The following GABRB1 variants were observed in gnomAD, a reference collection of about 807,000 sequenced individuals.
GABRB1 encodes the protein gamma-aminobutyric acid receptor subunit beta-1.
Under a neutral mutation model 51.6 loss-of-function variants are expected in GABRB1, and 17 were observed. That is an observed-to-expected ratio of 0.33 (90% CI 0.23 to 0.49). The LOEUF is 0.49. Among genes scored for constraint, GABRB1 ranks in the 20% least tolerant of loss-of-function variants. GABRB1 has a pLI of 0.99. For missense variants in GABRB1, 410 were observed against 600.6 expected (o/e 0.68, Z 3.32); for synonymous variants, 247 against 218.9 (o/e 1.13, Z -1.14).
chr4:47,015,421 T>C (rs181910060), intron 1 of GABRB1, among the ~76,000 whole-genome samples: 131 of 152,342 alleles, frequency 8.6e-4, no homozygotes, highest in Admixed American at 8.3e-3. Context: ...ATGTCAATAC[T>C]GTAATATCCT....
chr4:47,351,553 TC>T (rs1248573813), intron 5 of GABRB1, among the ~76,000 whole-genome samples: 2 of 96,978 alleles, frequency 2.1e-5, no homozygotes, highest in African/African-American at 8.0e-5. Flanking sequence ...ATGCTATCCC[TC>T]CCCCCTCCCC....
chr4:47,344,618 T>C (rs890880147), intron 5 of GABRB1, among the ~76,000 whole-genome samples: 6 of 152,320 alleles, frequency 3.9e-5, no homozygotes, highest in Admixed American at 1.3e-4. Flanking sequence ...TAACTCATGC[T>C]TGGATTTACA....
chr4:47,123,540 TTATAA>T (rs1459240271), intron 3 of GABRB1, among the ~76,000 whole-genome samples: 4 of 85,712 alleles, frequency 4.7e-5, no homozygotes, highest in African/African-American at 1.9e-4. Flanking sequence ...ATTTCATATA[TTATAA>T]TATATTATAT....
At chr4:47,274,721 C>T (rs915053280) in intron 4 of GABRB1, among the ~76,000 whole-genome samples, 3 of 152,114 alleles carry the variant, frequency 2.0e-5, no homozygotes, top group African/African-American at 7.2e-5. Flanking sequence ...ATCTCAAAAG[C>T]TGCACTCCAC....
chr4:47,041,334 T>G (rs1693709401), intron 3 of GABRB1, among the ~76,000 whole-genome samples: 1 of 152,134 alleles, frequency 6.6e-6, no homozygotes, highest in Non-Finnish European at 1.5e-5. Flanking sequence ...AGAGGAAATC[T>G]ATTTAAGCAG....
chr4:47,037,121 G>A (rs1446249153), intron 3 of GABRB1, among the ~76,000 whole-genome samples: 1 of 152,144 alleles, frequency 6.6e-6, no homozygotes, highest in East Asian at 1.9e-4. Context: ...AATCTCAAAT[G>A]ATGGCAATGA....
chr4:47,342,217 T>C (rs1456428700), intron 5 of GABRB1, among the ~76,000 whole-genome samples: 2 of 152,164 alleles, frequency 1.3e-5, no homozygotes, highest in Non-Finnish European at 2.9e-5. Flanking sequence ...TTTAAACACA[T>C]CTTTTTGCTT....
chr4:47,282,752 C>T (rs1723339432), intron 4 of GABRB1, among the ~76,000 whole-genome samples: 1 of 152,034 alleles, frequency 6.6e-6, no homozygotes. Context: ...ACTCTTATGC[C>T]AGTATAAAAT....
intron 4 of GABRB1, among the ~76,000 whole-genome samples, chr4:47,212,311 A>G (rs983191618): frequency 2.0e-5 from 3 of 152,104 alleles, no homozygotes. Context: ...AACAACATCC[A>G]TGCACTTCAG....
chr4:47,066,306 G>C (rs1727079754), intron 3 of GABRB1, among the ~76,000 whole-genome samples: 1 of 152,194 alleles, frequency 6.6e-6, no homozygotes, highest in Non-Finnish European at 1.5e-5. Context: ...TCTGCTGACT[G>C]ATCAGGGTGG....
At chr4:47,069,329 C>T (rs1254645879) in intron 3 of GABRB1, among the ~76,000 whole-genome samples, 1 of 152,174 alleles carries the variant, frequency 6.6e-6, no homozygotes, top group African/African-American at 2.4e-5. Context: ...TTTTATTCCT[C>T]CCCCTTCAAA....
At chr4:47,207,797 G>GAACTCC (rs113213356) in intron 4 of GABRB1, among the ~76,000 whole-genome samples, 130,295 of 151,370 alleles carry the variant, frequency 0.86, 56,085 homozygotes, top group Middle Eastern at 0.92. Flanking sequence ...GCATGGCTTG[G>GAACTCC]AACTAATTTC....
chr4:47,149,785 A>G (rs1717344483), intron 3 of GABRB1, among the ~76,000 whole-genome samples: 1 of 152,056 alleles, frequency 6.6e-6, no homozygotes, highest in Admixed American at 6.6e-5. Context: ...TCACTCACAA[A>G]GACATTTCTA....
At chr4:47,177,563 T>TGC (rs1366600293) in intron 4 of GABRB1, among the ~76,000 whole-genome samples, 3 of 152,090 alleles carry the variant, frequency 2.0e-5, no homozygotes, top group Non-Finnish European at 2.9e-5. Context: ...AAAGAAATTT[T>TGC]GCTGCATAAC....
At chr4:47,266,015 T>A (rs1722628365) in intron 4 of GABRB1, among the ~76,000 whole-genome samples, 2 of 152,112 alleles carry the variant, frequency 1.3e-5, no homozygotes, top group South Asian at 4.1e-4. Flanking sequence ...AATTCTTTAC[T>A]TAGGCCAATG....
intron 5 of GABRB1, among the ~76,000 whole-genome samples, chr4:47,346,651 G>A (rs1005863030): frequency 2.0e-5 from 3 of 152,206 alleles, no homozygotes; most frequent in Non-Finnish European, 4.4e-5. Flanking sequence ...GAAAGACACT[G>A]ACTTCAGCTG....
At chr4:46,995,944 C>T (rs562879466) in intron 1 of GABRB1, among the ~76,000 whole-genome samples, 1 of 152,076 alleles carries the variant, frequency 6.6e-6, no homozygotes, top group East Asian at 1.9e-4. Flanking sequence ...ATACTAAAGG[C>T]ATTTATATCT....
At chr4:47,122,343 CT>C (rs1207456901) in intron 3 of GABRB1, among the ~76,000 whole-genome samples, 2 of 152,010 alleles carry the variant, frequency 1.3e-5, no homozygotes, top group Non-Finnish European at 2.9e-5. Context: ...AAAAGTCTTC[CT>C]TTTTTTCACA....
At chr4:47,199,983 G>A (rs1221513588) in intron 4 of GABRB1, among the ~76,000 whole-genome samples, 1 of 152,122 alleles carries the variant, frequency 6.6e-6, no homozygotes, top group East Asian at 1.9e-4. Flanking sequence ...TATGGGATAG[G>A]CAGATATATT....
Sources: allele counts gnomAD v4.1 joint callset (sites outside exome capture counted in the v4.1 genomes callset), GRCh38; gene constraint gnomAD v4.1.1; transcripts MANE v1.5; gene names NCBI Gene and HGNC (gene_info 2026-07-23, HGNC 2026-07-21).